ADGRB3: variants seen among roughly 807,000 people sequenced by gnomAD.
The protein encoded by ADGRB3 is adhesion G protein-coupled receptor B3.
ADGRB3 carries 37 observed loss-of-function variants against 193.4 expected under a neutral mutation model. The observed-to-expected ratio is 0.19, with a 90% CI of 0.15 to 0.25. The LOEUF is 0.25. ADGRB3 is among the 10% of genes least tolerant of loss of function. ADGRB3 has a pLI of 1.00. For missense variants in ADGRB3, 1,637 were observed against 1,852.9 expected, an observed-to-expected ratio of 0.88 and a Z score of 2.14; for synonymous variants, 690 against 644.2, an observed-to-expected ratio of 1.07 and a Z score of -1.08.
intron 3 of ADGRB3, among the ~76,000 whole-genome samples, chr6:68,792,969 A>G (rs1346789139): frequency 1.3e-5 from 2 of 151,792 alleles, no homozygotes; most frequent in Non-Finnish European, 2.9e-5. Context: ...TAGCTACTTC[A>G]TTTTACTGTT....
At chr6:69,366,079 A>G (rs930090307) in intron 29 of ADGRB3, among the ~76,000 whole-genome samples, 7 of 152,070 alleles carry the variant, frequency 4.6e-5, no homozygotes, top group African/African-American at 1.4e-4. Flanking sequence ...AGAAACCATT[A>G]TAAAATTGAC....
chr6:69,261,335 GA>G (rs1256783875), intron 20 of ADGRB3, among the ~76,000 whole-genome samples: 1 of 151,974 alleles, frequency 6.6e-6, no homozygotes, highest in Non-Finnish European at 1.5e-5. Flanking sequence ...TAAGCAGAAT[GA>G]AAAAACTTCA....
intron 3 of ADGRB3, among the ~76,000 whole-genome samples, chr6:68,785,774 C>T (rs1339022961): frequency 1.3e-5 from 2 of 152,118 alleles, no homozygotes; most frequent in African/African-American, 4.8e-5. Flanking sequence ...GTCCCACCAA[C>T]AGCATAAAAG....
intron 20 of ADGRB3, among the ~76,000 whole-genome samples, chr6:69,260,749 T>C (rs555460193): frequency 6.6e-6 from 1 of 152,184 alleles, no homozygotes; most frequent in Non-Finnish European, 1.5e-5. Context: ...GAATTATTAT[T>C]TATATTCTCA....
At chr6:68,648,456 G>T (rs1768266957) in intron 3 of ADGRB3, among the ~76,000 whole-genome samples, 1 of 146,922 alleles carries the variant, frequency 6.8e-6, no homozygotes, top group African/African-American at 2.6e-5. Context: ...TTTATTTGGG[G>T]AGTGTGAGTT....
intron 17 of ADGRB3, among the ~76,000 whole-genome samples, chr6:69,120,051 A>C (rs970215954): frequency 6.6e-6 from 1 of 152,134 alleles, no homozygotes; most frequent in African/African-American, 2.4e-5. Flanking sequence ...TCGATTTAGA[A>C]TGTATGGAAA....
intron 13 of ADGRB3, among the ~76,000 whole-genome samples, chr6:69,024,167 G>C (rs1329981268): frequency 6.6e-6 from 1 of 152,078 alleles, no homozygotes; most frequent in African/African-American, 2.4e-5. Flanking sequence ...AAGAATCAAA[G>C]TTGGTGTCAG....
At chr6:68,883,378 G>C (rs560424965) in intron 3 of ADGRB3, among the ~76,000 whole-genome samples, 97 of 152,266 alleles carry the variant, frequency 6.4e-4, no homozygotes, top group African/African-American at 2.1e-3. Flanking sequence ...TCAGATAAGG[G>C]AATAAAAGCA....
At chr6:69,251,067 A>G (rs909476926) in intron 20 of ADGRB3, among the ~76,000 whole-genome samples, 1 of 152,202 alleles carries the variant, frequency 6.6e-6, no homozygotes, top group African/African-American at 2.4e-5. Flanking sequence ...CCCTTAGTCA[A>G]GTGACCATTA....
At chr6:69,110,057 C>T (rs1003306832) in intron 17 of ADGRB3, among the ~76,000 whole-genome samples, 33 of 151,164 alleles carry the variant, frequency 2.2e-4, no homozygotes, top group South Asian at 1.3e-3. Flanking sequence ...AAGCGATTCT[C>T]CTGCCTCAGC....
At chr6:69,384,726 AG>A (rs1263352564) in intron 31 of ADGRB3, among the ~76,000 whole-genome samples, 2 of 151,932 alleles carry the variant, frequency 1.3e-5, no homozygotes, top group Non-Finnish European at 2.9e-5. Context: ...GAAGGTTAGG[AG>A]TGGGGAGGAT....
In ADGRB3 at chr6:69,233,342, G is replaced by A; in HGVS notation, c.2533G>A (p.Asp845Asn). 6.2e-7 allele frequency: 1 copy of A among 1,614,024 alleles called. No homozygotes were observed. Among genetic ancestry groups the A allele is most frequent in the Non-Finnish European group, 8.5e-7 (1 of 1,180,000 alleles). Reference sequence around the variant, plus strand: ...CCAGGGATGTAAAACTGTGCTTACCGATGCATCCCATACGAAATGCTTATG... The same window carrying A: ...CCAGGGATGTAAAACTGTGCTTACCAATGCATCCCATACGAAATGCTTATG... ...STQGCKTVLT[D>N]ASHTKCLCDR... is the part of the protein sequence containing the mutation. Residue 845 changes from aspartate (D) to asparagine (N), a missense_variant, in exon 18 of 32, where the codon GAT (aspartate) becomes AAT (asparagine). Physicochemically the swap from Asp to Asn is conservative, Grantham distance 23. Transcript: ENST00000370598.
In ADGRB3 at chr6:68,804,112, C is replaced by G. The variant is rs190716850; in HGVS notation, c.758-126447C>G. ...TTTGTGAAGTATTCTCAGTAGCTTC[C>G]CATTGCCTGTGATAAACTCCATGGC... On this transcript the variant is annotated intron_variant, in intron 3 of 31. Coordinates refer to ENST00000370598, the MANE Select transcript of ADGRB3 (RefSeq NM_001704.3). Among the ~76,000 whole-genome samples the G allele has an allele frequency of 1.3e-3, 194 of 152,234 alleles. 1 individual carries two copies. Among genetic ancestry groups the G allele is most frequent in the Non-Finnish European group, 3.2e-4 (22 of 68,026 alleles).
chr6:69,102,817 A>G (rs1773102838), intron 17 of ADGRB3, among the ~76,000 whole-genome samples: 1 of 152,202 alleles, frequency 6.6e-6, no homozygotes, highest in African/African-American at 2.4e-5. Flanking sequence ...TTTTTTTGAT[A>G]TACTTCATGT....
chr6:68,807,235 C>CTTTT lies in ADGRB3; in HGVS notation c.758-123307_758-123304dup, dbSNP rs771342538. On this transcript the variant is annotated intron_variant, in intron 3 of 31. Transcript: ENST00000370598. ...TTTTTCTTTTTCTTTTTTCTTTTTT[C>CTTTT]TTTTTTTTTTTTTTTTTTTTGAGAC... Among the ~76,000 whole-genome samples the CTTTT allele has an allele frequency of 9.2e-4, 92 of 100,190 alleles. 1 individual carries two copies. The highest frequency in any genetic ancestry group is 1.2e-3 in the African/African-American group (33 of 26,790). 65.7% of individuals were successfully genotyped at this position (100,190 alleles called of 152,430 possible).
At chr6:69,371,625 C>G (rs1043526947) in intron 29 of ADGRB3, among the ~76,000 whole-genome samples, 6 of 152,024 alleles carry the variant, frequency 3.9e-5, no homozygotes, top group Non-Finnish European at 8.8e-5. Context: ...TCATGAAAAT[C>G]ATATCACATG....
chr6:69,109,378 C>CT (rs1773304017), intron 17 of ADGRB3, among the ~76,000 whole-genome samples: 1 of 152,134 alleles, frequency 6.6e-6, no homozygotes, highest in Non-Finnish European at 1.5e-5. Flanking sequence ...TTTACCCTCC[C>CT]TATCTCTCCC....
chr6:69,285,384 A>G (rs1767526290), intron 20 of ADGRB3, among the ~76,000 whole-genome samples: 1 of 152,116 alleles, frequency 6.6e-6, no homozygotes, highest in Non-Finnish European at 1.5e-5. Context: ...TAATCTTTTA[A>G]AAATAGTACT....
At chr6:69,143,084 G>A (rs893586083) in intron 17 of ADGRB3, among the ~76,000 whole-genome samples, 3 of 152,134 alleles carry the variant, frequency 2.0e-5, no homozygotes, top group Non-Finnish European at 4.4e-5. Context: ...TTTACGTGGG[G>A]TGAGATGATA....
Sources: gnomAD v4.1 joint callset for allele counts (sites outside exome capture counted in the v4.1 genomes callset) on GRCh38, gnomAD v4.1.1 for gene constraint, MANE v1.5 for transcripts, NCBI Gene and HGNC (gene_info 2026-07-23, HGNC 2026-07-21) for gene names.